The following PCDHA6 variants were observed in gnomAD, a reference collection of about 807,000 sequenced individuals.
PCDHA6 encodes the protein protocadherin alpha 6, also known as protocadherin alpha-6.
Under a neutral mutation model 60.3 loss-of-function variants are expected in PCDHA6, and 55 were observed. That is an observed-to-expected ratio of 0.91 (90% CI 0.73 to 1.14). PCDHA6 has a LOEUF of 1.14. PCDHA6 is among the 50% of genes most tolerant of loss of function. PCDHA6 has a pLI of 0.00. For missense variants in PCDHA6, 1,327 were observed against 1,256.5 expected (o/e 1.06, Z -0.85); for synonymous variants, 652 against 557.9 (o/e 1.17, Z -2.38).
At chr5:140,904,692 A>G (rs1484371560) in intron 1 of PCDHA6, among the ~76,000 whole-genome samples, 1 of 152,126 alleles carries the variant, frequency 6.6e-6, no homozygotes, top group Non-Finnish European at 1.5e-5. Context: ...GCAGTGTAAA[A>G]TTGTTCCCTT....
chr5:141,000,371 CT>C (rs2153963893), intron 3 of PCDHA6, among the ~76,000 whole-genome samples: 1 of 49,262 alleles, frequency 2.0e-5, no homozygotes, highest in East Asian at 6.6e-4. Context: ...GTCTCTCTCT[CT>C]CTCTCTCTCT....
At chr5:140,870,657 G>T (rs782619046) in intron 1 of PCDHA6, 1 of 1,612,514 alleles carries the variant, frequency 6.2e-7, no homozygotes, top group Non-Finnish European at 8.5e-7. Context: ...AGGTGTACGC[G>T]CTGCAGCCGT....
At chr5:140,899,204 C>T (rs1286752140) in intron 1 of PCDHA6, among the ~76,000 whole-genome samples, 2 of 151,972 alleles carry the variant, frequency 1.3e-5, no homozygotes, top group African/African-American at 4.8e-5. Context: ...CCTAATTGCC[C>T]TGGCCAGAAC....
At position 140,993,525 on chromosome 5, in the gene PCDHA6, G is replaced by C. The variant is rs573802745; in HGVS notation, c.2542+10962G>C. On this transcript the variant is annotated intron_variant, in intron 3 of 3. Coordinates refer to ENST00000529310, the MANE Select transcript of PCDHA6 (RefSeq NM_018909.4). Reference sequence around the variant, plus strand: ...ACACACACACGGGGAGAGAGAGACAGAGAGAGAGAGAGATAGAGAAGTGAA... The same window carrying C: ...ACACACACACGGGGAGAGAGAGACACAGAGAGAGAGAGATAGAGAAGTGAA... Among the ~76,000 whole-genome samples the C allele has an allele frequency of 4.8e-5, 7 of 147,308 alleles. No homozygotes were observed. The East Asian group carries it at 1.2e-3, about 24-fold the overall frequency.
chr5:140,876,718 G>A (rs1554168825), intron 1 of PCDHA6: 4 of 1,614,124 alleles, frequency 2.5e-6, no homozygotes, highest in African/African-American at 2.7e-5. Context: ...CCTGGACCGC[G>A]AGAGCGTGTC....
At chr5:140,987,149 G>C (rs1380803903) in intron 3 of PCDHA6, among the ~76,000 whole-genome samples, 2 of 151,884 alleles carry the variant, frequency 1.3e-5, no homozygotes, top group African/African-American at 4.8e-5. Flanking sequence ...GGGAGGTGGA[G>C]GTTGCAGTGA....
intron 1 of PCDHA6, chr5:140,967,023 G>C: frequency 6.2e-7 from 1 of 1,608,162 alleles, no homozygotes; most frequent in Non-Finnish European, 8.5e-7. Context: ...GGTGCGCCCA[G>C]TCCGCGCTAC....
chr5:140,967,104 A>T (rs374744732), intron 1 of PCDHA6: 3 of 1,613,028 alleles, frequency 1.9e-6, no homozygotes, highest in Non-Finnish European at 2.5e-6. Context: ...CTGTGTGAGC[A>T]GCGGCCTCGC....
In PCDHA6 at chr5:140,883,790, G is replaced by T. The variant is rs200436467; in HGVS notation, c.2394+53305G>T. ...GGGCGAGCGTGCGCTGTCGAGCTAC[G>T]TGTCGGTGCACGCGGAGAGCGGCAA... On this transcript the variant is annotated intron_variant, in intron 1 of 3. Coordinates refer to ENST00000529310, the MANE Select transcript of PCDHA6 (RefSeq NM_018909.4). The T allele has an allele frequency of 3.5e-5, 57 of 1,612,406 alleles. No homozygotes were observed. The highest frequency in any genetic ancestry group is 4.3e-5 in the Non-Finnish European group (51 of 1,179,760).
chr5:140,891,344 T>C (rs952306829), intron 1 of PCDHA6, among the ~76,000 whole-genome samples: 2 of 152,166 alleles, frequency 1.3e-5, no homozygotes, highest in East Asian at 1.9e-4. Flanking sequence ...GAGATTTTGG[T>C]GCATCCATCA....
At chr5:141,006,813 T>C (rs1171771789) in intron 3 of PCDHA6, among the ~76,000 whole-genome samples, 1 of 152,018 alleles carries the variant, frequency 6.6e-6, no homozygotes, top group African/African-American at 2.4e-5. Flanking sequence ...GCTTGAGAAA[T>C]GGGGTAAATG....
intron 1 of PCDHA6, among the ~76,000 whole-genome samples, chr5:140,838,465 G>A (rs2150289801): frequency 3.4e-4 from 52 of 151,444 alleles, no homozygotes; most frequent in Admixed American, 3.3e-3. Flanking sequence ...TTTCATTAGC[G>A]CTTATTCCTT....
chr5:140,964,930 G>A (rs1480159584), intron 1 of PCDHA6, among the ~76,000 whole-genome samples: 12 of 152,306 alleles, frequency 7.9e-5, no homozygotes, highest in Middle Eastern at 3.4e-3. Flanking sequence ...CTAGGTAGTG[G>A]AGCATTGATA....
intron 1 of PCDHA6, among the ~76,000 whole-genome samples, chr5:140,890,049 G>T (rs1488374417): frequency 1.3e-5 from 2 of 152,158 alleles, no homozygotes; most frequent in Non-Finnish European, 2.9e-5. Flanking sequence ...GTGTGTTGGA[G>T]CTGGCTCTTT....
chr5:140,843,586 G>T lies in PCDHA6; in HGVS notation c.2394+13101G>T, dbSNP rs2150363126. The T allele has an allele frequency of 4.4e-6, 7 of 1,596,012 alleles. 1 individual carries two copies. Among genetic ancestry groups the T allele is most frequent in the African/African-American group, 1.3e-5 (1 of 74,542 alleles). Reference sequence around the variant, plus strand: ...GCTGGTCATACTCGCAACAACAGCCGCAGAGGGTGTGCTCTGGTGAGGGGC... The same window carrying T: ...GCTGGTCATACTCGCAACAACAGCCTCAGAGGGTGTGCTCTGGTGAGGGGC... On this transcript the variant is annotated intron_variant, in intron 1 of 3. Coordinates refer to ENST00000529310, the MANE Select transcript of PCDHA6 (RefSeq NM_018909.4).
chr5:140,869,086 A>G (rs1554162467), intron 1 of PCDHA6: 1 of 1,584,176 alleles, frequency 6.3e-7, no homozygotes, highest in African/African-American at 1.4e-5. Context: ...CTTATTTTGG[A>G]AGCCAATTTC....
At chr5:140,967,475 C>T (rs555659207) in intron 1 of PCDHA6, 1 of 1,613,342 alleles carries the variant, frequency 6.2e-7, no homozygotes, top group South Asian at 1.1e-5. Context: ...CATCCCAGCC[C>T]GCTCGGGTAC....
At chr5:140,836,957 G>T (rs193007351) in intron 1 of PCDHA6, 3 of 414,634 alleles carry the variant, frequency 7.2e-6, no homozygotes, top group African/African-American at 4.1e-5. Context: ...TATGGTTTAT[G>T]TTGGCTACTC....
intron 1 of PCDHA6, among the ~76,000 whole-genome samples, chr5:140,902,233 T>C (rs1402685005): frequency 6.7e-6 from 1 of 149,150 alleles, no homozygotes; most frequent in African/African-American, 2.5e-5. Context: ...AGATGAGGAC[T>C]TGCTTTGTTG....
Sources: gnomAD v4.1 joint callset for allele counts (sites outside exome capture counted in the v4.1 genomes callset) on GRCh38, gnomAD v4.1.1 for gene constraint, MANE v1.5 for transcripts, NCBI Gene and HGNC (gene_info 2026-07-23, HGNC 2026-07-21) for gene names.